The following C18orf63 variants were observed in gnomAD, a reference collection of about 807,000 sequenced individuals.
C18orf63 encodes the protein uncharacterized protein C18orf63.
In C18orf63, 50 loss-of-function variants were observed where a neutral mutation model predicts 75.3. The observed-to-expected ratio is 0.66, with a 90% CI of 0.53 to 0.84. C18orf63 has a LOEUF of 0.84. C18orf63 is among the 40% of genes least tolerant of loss of function. The probability of loss-of-function intolerance (pLI) is 0.00; values close to 1 mark genes in which losing one functional copy is unlikely to be tolerated. For synonymous variants in C18orf63, 232 were observed against 267.6 expected (o/e 0.87, Z 1.30); for missense variants, 732 against 800.2 (o/e 0.91, Z 1.03).
At chr18:74,327,759 T>G (rs113645553) in intron 4 of C18orf63, among the ~76,000 whole-genome samples, 188 bp from the exon 5 acceptor site, 41 of 152,306 alleles carry the variant, frequency 2.7e-4, no homozygotes, top group African/African-American at 9.6e-4. Flanking sequence ...GGTTTTGAAG[T>G]GAATATATTT....
rs974352728 is a variant in C18orf63 at position 74,342,145 on chromosome 18, T to C, written c.708+17T>C. 14 of 1,418,956 alleles carry C rather than the reference T, an allele frequency of 9.9e-6. No homozygotes were observed. Among genetic ancestry groups the C allele is most frequent in the African/African-American group, 2.8e-5 (2 of 70,388 alleles). 87.9% of individuals were successfully genotyped at this position (1,418,956 alleles called of 1,614,324 possible). ...GATGCCCTGGTAAGGAATGGAAATATATGTTACATTAGAAGTTATTTGATT... is the reference window on the plus strand; with the variant it reads ...GATGCCCTGGTAAGGAATGGAAATACATGTTACATTAGAAGTTATTTGATT... On this transcript the variant is annotated intron_variant, in intron 9 of 13. Coordinates refer to ENST00000579455, the MANE Select transcript of C18orf63 (RefSeq NM_001174123.2).
intron 11 of C18orf63, among the ~76,000 whole-genome samples, chr18:74,350,055 G>A (rs1163303011): frequency 6.6e-6 from 1 of 152,196 alleles, no homozygotes; most frequent in Admixed American, 6.5e-5. Flanking sequence ...TGCAGTCACA[G>A]CATAGAGATT....
intron 11 of C18orf63, among the ~76,000 whole-genome samples, chr18:74,352,339 G>T (rs1370507138): frequency 6.6e-6 from 1 of 152,172 alleles, no homozygotes; most frequent in Non-Finnish European, 1.5e-5. Context: ...ATATAATACA[G>T]TACAGTGGTA....
In C18orf63 at chr18:74,353,738, TA is replaced by T; in HGVS notation, c.1472del (p.Tyr491LeufsTer13). On this transcript the variant is annotated frameshift_variant, in exon 12 of 14. Transcript: ENST00000579455. LOFTEE classifies it high-confidence loss of function. Reference sequence around the variant, plus strand: ...TTTAGGTCCAGCTATAAAAAACCGTTATAGTAGTAACATTCAGATGCAGGCT... The same window carrying T: ...TTTAGGTCCAGCTATAAAAAACCGTTTAGTAGTAACATTCAGATGCAGGCT... ...LNLGPAIKNR[Y>X]SSNIQMQAAN... 1 of 1,536,100 alleles carries T rather than the reference TA, an allele frequency of 6.5e-7. No homozygotes were observed. The highest frequency in any genetic ancestry group is 8.7e-7 in the Non-Finnish European group (1 of 1,146,892).
intron 8 of C18orf63, among the ~76,000 whole-genome samples, 151 bp from the exon 9 acceptor site, chr18:74,341,878 TACA>T (rs1342617960): frequency 1.3e-5 from 2 of 152,220 alleles, no homozygotes; most frequent in African/African-American, 4.8e-5. Flanking sequence ...AAAGATTTAG[TACA>T]ACGTGTTTGA....
rs575887198 is a variant in C18orf63, at chr18:74,338,578, T to C, written c.502-137T>C. On this transcript the variant is annotated intron_variant, in intron 7 of 13. Coordinates refer to ENST00000579455, the MANE Select transcript of C18orf63 (RefSeq NM_001174123.2). ...TTTGACTACTTATGTAAAGTGGTTA[T>C]GCATGATTCAATGTAACTTAAGTCT... 6 of 407,400 alleles carry C rather than the reference T, an allele frequency of 1.5e-5. No homozygotes were observed. The Admixed American group carries it at 2.6e-4, about 17-fold the overall frequency. The allele number at this position is 407,400 out of a possible 1,614,324, so 25.2% of individuals were successfully genotyped here.
intron 7 of C18orf63, among the ~76,000 whole-genome samples, chr18:74,331,825 C>T (rs906627915): frequency 1.3e-5 from 2 of 152,160 alleles, no homozygotes; most frequent in African/African-American, 4.8e-5. Context: ...AAATGCTACT[C>T]CTCTATTCAT....
chr18:74,341,022 T>C (rs1984472333), intron 8 of C18orf63, among the ~76,000 whole-genome samples: 3 of 152,060 alleles, frequency 2.0e-5, no homozygotes. Context: ...CCCAGCACTT[T>C]GGGAGGCCGA....
intron 5 of C18orf63, among the ~76,000 whole-genome samples, 192 bp downstream of exon 5, chr18:74,328,250 C>T (rs1984242489): frequency 6.6e-6 from 1 of 152,146 alleles, no homozygotes; most frequent in Admixed American, 6.5e-5. Context: ...GAAGGAAAAG[C>T]AAAGGGACAT....
intron 7 of C18orf63, among the ~76,000 whole-genome samples, chr18:74,335,054 T>TAG (rs1341328434): frequency 5.9e-5 from 9 of 152,186 alleles, no homozygotes. Context: ...TGGTGCTCTC[T>TAG]ACCTTGTTTA....
intron 2 of C18orf63, among the ~76,000 whole-genome samples, chr18:74,319,375 C>A (rs1460662028): frequency 1.3e-5 from 2 of 152,174 alleles, no homozygotes; most frequent in Non-Finnish European, 2.9e-5. Flanking sequence ...TATGAAGCCA[C>A]CAGAAACAGA....
At chr18:74,316,351 C>T (rs1415138703) in intron 1 of C18orf63, among the ~76,000 whole-genome samples, 2 of 152,178 alleles carry the variant, frequency 1.3e-5, no homozygotes, top group Non-Finnish European at 2.9e-5. Flanking sequence ...GATTCGTTTC[C>T]ACTCACGTCC....
chr18:74,352,643 CTTCATTAATTTCT>C (rs1237734810), intron 11 of C18orf63, among the ~76,000 whole-genome samples: 3 of 152,126 alleles, frequency 2.0e-5, no homozygotes, highest in Non-Finnish European at 4.4e-5. Context: ...GCAGCCACCT[CTTCATTAATTTCT>C]TTCAACAAGG....
chr18:74,342,176 T>G, intron 9 of C18orf63, 48 bp downstream of exon 9: 1 of 1,429,850 alleles, frequency 7.0e-7, no homozygotes, highest in Middle Eastern at 1.7e-4. Flanking sequence ...TGATTTTTGT[T>G]TATTGTAACT....
chr18:74,329,944 T>G (rs1364384811), intron 6 of C18orf63, among the ~76,000 whole-genome samples: 2 of 152,192 alleles, frequency 1.3e-5, no homozygotes, highest in African/African-American at 4.8e-5. Context: ...CTTAAAATCC[T>G]GACCTGTAAT....
intron 11 of C18orf63, among the ~76,000 whole-genome samples, chr18:74,344,789 A>G (rs1308032458): frequency 6.6e-6 from 1 of 151,996 alleles, no homozygotes; most frequent in Non-Finnish European, 1.5e-5. Context: ...GCATTTTATT[A>G]TGTGATTATG....
chr18:74,339,679 A>G (rs2145125100), intron 8 of C18orf63, among the ~76,000 whole-genome samples: 1 of 152,286 alleles, frequency 6.6e-6, no homozygotes, highest in African/African-American at 2.4e-5. Context: ...AAGGCATCCA[A>G]CTTGTAAAGG....
At chr18:74,354,706 T>A (rs1984734350) in intron 13 of C18orf63, among the ~76,000 whole-genome samples, 160 bp downstream of exon 13, 1 of 152,176 alleles carries the variant, frequency 6.6e-6, no homozygotes, top group Non-Finnish European at 1.5e-5. Context: ...AGTTCACTCC[T>A]TGAATAAGGA....
At chr18:74,341,488 T>A (rs1195889388) in intron 8 of C18orf63, among the ~76,000 whole-genome samples, 3 of 152,106 alleles carry the variant, frequency 2.0e-5, no homozygotes, top group Non-Finnish European at 2.9e-5. Context: ...GAGACCAGCC[T>A]GGCCAACATG....
Sources: gnomAD v4.1 joint callset for allele counts (sites outside exome capture counted in the v4.1 genomes callset) on GRCh38, gnomAD v4.1.1 for gene constraint, MANE v1.5 for transcripts, NCBI Gene and HGNC (gene_info 2026-07-23, HGNC 2026-07-21) for gene names.